Variants in GRID1 observed in about 807,000 individuals in gnomAD.
The protein encoded by GRID1 is glutamate ionotropic receptor delta type subunit 1.
GRID1 carries 28 observed loss-of-function variants against 98.0 expected under a neutral mutation model. The observed-to-expected ratio is 0.29, with a 90% CI of 0.21 to 0.39. The LOEUF is 0.39. Among genes scored for constraint, GRID1 ranks in the 10% least tolerant of loss-of-function variants. The pLI is 1.00. For synonymous variants in GRID1, 553 were observed against 538.5 expected (o/e 1.03, Z -0.37); for missense variants, 1,111 against 1,340.5 (o/e 0.83, Z 2.67).
intron 4 of GRID1, among the ~76,000 whole-genome samples, chr10:86,010,949 T>C (rs1369078513): frequency 6.6e-6 from 1 of 152,102 alleles, no homozygotes; most frequent in Non-Finnish European, 1.5e-5. Flanking sequence ...AAGATTCCAG[T>C]CTTTGCCCTA....
intron 8 of GRID1, among the ~76,000 whole-genome samples, chr10:85,812,854 T>TTATA (rs58973720): frequency 1.3e-5 from 2 of 151,426 alleles, no homozygotes; most frequent in Admixed American, 6.6e-5. Context: ...TGTGTGTATA[T>TTATA]TATATATATA....
intron 4 of GRID1, among the ~76,000 whole-genome samples, chr10:85,984,557 G>T (rs574055526): frequency 6.6e-6 from 1 of 152,300 alleles, no homozygotes; most frequent in East Asian, 1.9e-4. Flanking sequence ...GGAGAGGTGG[G>T]CAGGAAACTC....
chr10:85,896,417 C>T (rs775826397), intron 5 of GRID1, among the ~76,000 whole-genome samples: 6 of 152,200 alleles, frequency 3.9e-5, no homozygotes, highest in Non-Finnish European at 8.8e-5. Flanking sequence ...ATCAGACCAA[C>T]TTGAGCTTAA....
intron 12 of GRID1, among the ~76,000 whole-genome samples, chr10:85,706,904 G>A (rs570034200): frequency 1.3e-5 from 2 of 152,172 alleles, no homozygotes; most frequent in Non-Finnish European, 2.9e-5. Context: ...AAACTGGCTA[G>A]CCATATGTAG....
At chr10:85,881,196 G>A (rs1387157494) in intron 5 of GRID1, among the ~76,000 whole-genome samples, 1 of 152,138 alleles carries the variant, frequency 6.6e-6, no homozygotes, top group African/African-American at 2.4e-5. Flanking sequence ...TGGCCATACT[G>A]CCCAAGGTAA....
chr10:85,915,860 T>C (rs1225073779), intron 5 of GRID1, among the ~76,000 whole-genome samples: 1 of 152,138 alleles, frequency 6.6e-6, no homozygotes, highest in Non-Finnish European at 1.5e-5. Context: ...TGCATCCCAA[T>C]TCATGACCTG....
At chr10:86,110,493 A>G (rs1242328356) in intron 4 of GRID1, among the ~76,000 whole-genome samples, 1 of 152,188 alleles carries the variant, frequency 6.6e-6, no homozygotes, top group African/African-American at 2.4e-5. Context: ...GGAGGGCACC[A>G]TTGCGAAGAG....
At chr10:85,993,079 G>A (rs981452439) in intron 4 of GRID1, among the ~76,000 whole-genome samples, 3 of 152,218 alleles carry the variant, frequency 2.0e-5, no homozygotes, top group Non-Finnish European at 2.9e-5. Context: ...TGAGGGACAC[G>A]GAATGTGAAG....
intron 3 of GRID1, among the ~76,000 whole-genome samples, chr10:86,160,563 G>A (rs977724908): frequency 1.3e-5 from 2 of 152,202 alleles, no homozygotes; most frequent in African/African-American, 4.8e-5. Context: ...CCAGCAACCT[G>A]CTGGTGGTCA....
At chr10:85,800,652 C>T (rs2132752121) in intron 8 of GRID1, among the ~76,000 whole-genome samples, 1 of 152,028 alleles carries the variant, frequency 6.6e-6, no homozygotes, top group Admixed American at 6.6e-5. Flanking sequence ...AAGAGAGTAA[C>T]ATTAATTTCA....
intron 2 of GRID1, among the ~76,000 whole-genome samples, chr10:86,273,415 T>C (rs958654811): frequency 1.5e-4 from 22 of 148,464 alleles, no homozygotes; most frequent in African/African-American, 5.2e-4. Context: ...TATAGTCCTT[T>C]GGGTATATAC....
intron 4 of GRID1, among the ~76,000 whole-genome samples, chr10:86,029,094 C>T (rs1843152806): frequency 6.6e-6 from 1 of 152,306 alleles, no homozygotes; most frequent in South Asian, 2.1e-4. Context: ...CTCTCATCTC[C>T]AGCATAGTAG....
chr10:85,778,754 A>G (rs1842355750), intron 8 of GRID1, among the ~76,000 whole-genome samples: 1 of 152,210 alleles, frequency 6.6e-6, no homozygotes, highest in Admixed American at 6.5e-5. Context: ...AAAGCTTCTG[A>G]GCCAGCTTCC....
intron 4 of GRID1, among the ~76,000 whole-genome samples, chr10:86,086,371 T>C (rs1844056316): frequency 6.6e-6 from 1 of 152,186 alleles, no homozygotes; most frequent in African/African-American, 2.4e-5. Flanking sequence ...GATGAACAGA[T>C]GAATATGATC....
chr10:86,169,715 C>G (rs981759273), intron 3 of GRID1, among the ~76,000 whole-genome samples: 3 of 152,182 alleles, frequency 2.0e-5, no homozygotes, highest in Admixed American at 2.0e-4. Flanking sequence ...GCAGAAGACC[C>G]CCACCAGCCA....
chr10:86,042,168 C>T (rs17106212), intron 4 of GRID1, among the ~76,000 whole-genome samples: 4,158 of 152,308 alleles, frequency 0.027, 162 homozygotes, highest in African/African-American at 0.084. Context: ...TAAAGAAGTT[C>T]ATCCAGTCCT....
chr10:85,711,368 A>G (rs772906992), intron 12 of GRID1, among the ~76,000 whole-genome samples: 1 of 151,982 alleles, frequency 6.6e-6, no homozygotes, highest in African/African-American at 2.4e-5. Flanking sequence ...AATGGAAATA[A>G]GCCATTCATA....
intron 15 of GRID1, among the ~76,000 whole-genome samples, chr10:85,611,495 G>A (rs373964766): frequency 8.5e-5 from 13 of 152,154 alleles, no homozygotes; most frequent in African/African-American, 2.9e-4. Flanking sequence ...CCCCTGCTCC[G>A]CTGACACAAG....
intron 4 of GRID1, among the ~76,000 whole-genome samples, chr10:86,033,163 C>T (rs1258184183): frequency 6.6e-6 from 1 of 151,950 alleles, no homozygotes; most frequent in Non-Finnish European, 1.5e-5. Context: ...CTTTGGGCCA[C>T]ATTCTTTGCA....
Sources: allele counts gnomAD v4.1 joint callset (sites outside exome capture counted in the v4.1 genomes callset), GRCh38; gene constraint gnomAD v4.1.1; transcripts MANE v1.5; gene names NCBI Gene and HGNC (gene_info 2026-07-23, HGNC 2026-07-21).